DDX52: variants seen among roughly 807,000 people sequenced by gnomAD.
DDX52 encodes the protein probable ATP-dependent RNA helicase DDX52.
A neutral mutation model predicts 76.1 loss-of-function variants in DDX52; 59 were observed. The ratio of observed to expected loss-of-function variants is 0.78; its 90% CI spans 0.63 to 0.96. The LOEUF is 0.96. DDX52 is among the 40% of genes least tolerant of loss of function. The pLI, the probability that DDX52 is intolerant of heterozygous loss-of-function variation, is 0.00. For synonymous variants in DDX52, 231 were observed against 244.1 expected (o/e 0.95, Z 0.50); for missense variants, 707 against 703.9 (o/e 1.00, Z -0.05).
At chr17:37,642,433 T>C in intron 1 of DDX52, 125 bp from the exon 2 acceptor site, 1 of 1,103,208 alleles carries the variant, frequency 9.1e-7, no homozygotes, top group Non-Finnish European at 1.3e-6. Flanking sequence ...AGCTAACAGG[T>C]GTCTGGACAA....
At chr17:37,618,940 C>T (rs948297099) in intron 13 of DDX52, among the ~76,000 whole-genome samples, 1 of 152,186 alleles carries the variant, frequency 6.6e-6, no homozygotes, top group Non-Finnish European at 1.5e-5. Flanking sequence ...TAAAATATGT[C>T]CTGTGCCAAC....
chr17:37,629,473 G>A (rs2030572634), intron 5 of DDX52, among the ~76,000 whole-genome samples: 1 of 152,070 alleles, frequency 6.6e-6, no homozygotes, highest in Non-Finnish European at 1.5e-5. Context: ...AGGAGTTCAA[G>A]ACCAGCCTGG....
At chr17:37,633,194 A>G (rs1207061939) in intron 3 of DDX52, 94 bp downstream of exon 3, 16 of 1,310,558 alleles carry the variant, frequency 1.2e-5, no homozygotes, top group Non-Finnish European at 1.5e-5. Context: ...TAACAAAACT[A>G]TATTCACATT....
chr17:37,624,969 A>G (rs1479383341), intron 8 of DDX52, among the ~76,000 whole-genome samples: 1 of 151,950 alleles, frequency 6.6e-6, no homozygotes, highest in Non-Finnish European at 1.5e-5. Flanking sequence ...TTAATTTCCC[A>G]TTGAAATTAT....
intron 14 of DDX52, among the ~76,000 whole-genome samples, chr17:37,617,192 G>C (rs895044069): frequency 4.6e-5 from 7 of 152,200 alleles, no homozygotes; most frequent in Non-Finnish European, 8.8e-5. Flanking sequence ...ATGCCTACTG[G>C]TTGATGGAAA....
intron 13 of DDX52, 107 bp downstream of exon 13, chr17:37,619,661 G>C: frequency 1.0e-6 from 1 of 959,070 alleles, no homozygotes; most frequent in Non-Finnish European, 1.6e-6. Flanking sequence ...ACAGTGAGCT[G>C]TGATCATGCC....
intron 2 of DDX52, among the ~76,000 whole-genome samples, chr17:37,637,712 T>G (rs1452510568): frequency 6.6e-6 from 1 of 151,750 alleles, no homozygotes; most frequent in Non-Finnish European, 1.5e-5. Context: ...GTAGCTGAGA[T>G]TATAGGCATG....
intron 7 of DDX52, 98 bp from the exon 8 acceptor site, chr17:37,626,196 T>C (rs2030364727): frequency 1.6e-6 from 2 of 1,256,942 alleles, no homozygotes; most frequent in South Asian, 2.7e-5. Flanking sequence ...AGTCAAACTA[T>C]AATGCTGCTT....
intron 1 of DDX52, chr17:37,643,086 G>A (rs1598774354): frequency 7.7e-6 from 3 of 389,902 alleles, no homozygotes; most frequent in South Asian, 1.6e-4. Context: ...TTGAATAAGA[G>A]GGAGGAAAGA....
chr17:37,617,667 G>GT (rs1310223517), intron 14 of DDX52, among the ~76,000 whole-genome samples: 1 of 152,232 alleles, frequency 6.6e-6, no homozygotes, highest in Non-Finnish European at 1.5e-5. Flanking sequence ...CTAGATCCAT[G>GT]TAAGTCAATG....
chr17:37,611,966 AAAAAAAACAAAAC>A lies in DDX52; in HGVS notation c.*2317_*2329del, dbSNP rs1444986317. 7 of 149,188 alleles carry A rather than the reference AAAAAAAACAAAAC, an allele frequency of 4.7e-5. No homozygotes were observed. Among genetic ancestry groups the A allele is most frequent in the African/African-American group, 1.5e-4 (6 of 40,926 alleles). 9.2% of individuals were successfully genotyped at this position (149,188 alleles called of 1,614,324 possible). A position where few individuals can be genotyped will look rare whatever the true frequency, so the allele number is the denominator to read the frequency against. On this transcript the variant is annotated 3_prime_UTR_variant, in exon 15 of 15. Coordinates refer to ENST00000617633, the MANE Select transcript of DDX52 (RefSeq NM_007010.5). ...ACAGACCCTGTTTCTCAAAAAAAAA[AAAAAAAACAAAAC>A]AAAAAAACTCATAAAGTAAAAGTTA...
chr17:37,641,969 TA>T, intron 2 of DDX52, 140 bp downstream of exon 2: 1 of 988,702 alleles, frequency 1.0e-6, no homozygotes. Context: ...ACAATATTTC[TA>T]ATGACAAATA....
chr17:37,627,491 C>T (rs1156540930), intron 6 of DDX52, among the ~76,000 whole-genome samples: 1 of 152,090 alleles, frequency 6.6e-6, no homozygotes, highest in Admixed American at 6.5e-5. Context: ...AAGCAATCTC[C>T]CTGCCTCAGC....
Position 37,633,436 on chromosome 17 carries a change from A to C in DDX52, c.287-18T>G. 6.5e-7 allele frequency: 1 copy of C among 1,537,684 alleles called. No homozygotes were observed. Among genetic ancestry groups the C allele is most frequent in the Non-Finnish European group, 8.7e-7 (1 of 1,148,956 alleles). ...AGCAATTTCTAAAATATATTTTTAA[A>C]AAGTAAAAGATTTTAACAGTCTAGG... On this transcript the variant is annotated intron_variant, in intron 2 of 14. Coordinates refer to ENST00000617633, the MANE Select transcript of DDX52 (RefSeq NM_007010.5).
chr17:37,614,792 T>TA (rs1246131291), intron 14 of DDX52: 1 of 156,348 alleles, frequency 6.4e-6, no homozygotes, highest in African/African-American at 2.4e-5. Flanking sequence ...TAATCCATGT[T>TA]AGACACGAAT....
intron 2 of DDX52, among the ~76,000 whole-genome samples, chr17:37,635,763 T>C (rs1189758903): frequency 1.3e-5 from 2 of 151,460 alleles, no homozygotes; most frequent in Non-Finnish European, 2.9e-5. Context: ...ATGTTTAACT[T>C]AAAAAAAAAG....
intron 14 of DDX52, among the ~76,000 whole-genome samples, chr17:37,615,842 C>T (rs1321944852): frequency 4.0e-5 from 6 of 151,896 alleles, no homozygotes; most frequent in African/African-American, 1.5e-4. Context: ...GGTGAAACCC[C>T]GTCTCTACTA....
chr17:37,643,246 A>T (rs3813911), intron 1 of DDX52, 88 bp downstream of exon 1: 99,876 of 1,419,538 alleles, frequency 0.07, 10,949 homozygotes, highest in African/African-American at 0.4. Flanking sequence ...CGGGTGTCCA[A>T]GTGCGCCGGC....
intron 2 of DDX52, among the ~76,000 whole-genome samples, chr17:37,633,810 G>C (rs1330455954): frequency 1.3e-5 from 2 of 152,074 alleles, no homozygotes; most frequent in African/African-American, 4.8e-5. Flanking sequence ...GGCAAGTTCT[G>C]TGTTGGTATG....
Sources: gnomAD v4.1 joint callset for allele counts (sites outside exome capture counted in the v4.1 genomes callset) on GRCh38, gnomAD v4.1.1 for gene constraint, MANE v1.5 for transcripts, NCBI Gene and HGNC (gene_info 2026-07-23, HGNC 2026-07-21) for gene names.